SLC4A10: variants seen among roughly 807,000 people sequenced by gnomAD.
SLC4A10 encodes the protein sodium-driven chloride bicarbonate exchanger.
In SLC4A10, 42 loss-of-function variants were observed where a neutral mutation model predicts 137.7. The ratio of observed to expected loss-of-function variants is 0.30; its 90% CI spans 0.24 to 0.39. SLC4A10 has a LOEUF of 0.39. Among genes scored for constraint, SLC4A10 ranks in the 10% least tolerant of loss-of-function variants. The pLI, the probability that SLC4A10 is intolerant of heterozygous loss-of-function variation, is 1.00. For synonymous variants in SLC4A10, 474 were observed against 464.1 expected (o/e 1.02, Z -0.27); for missense variants, 925 against 1,355.0 (o/e 0.68, Z 4.98).
chr2:161,734,966 C>T (rs1473048754), intron 1 of SLC4A10, among the ~76,000 whole-genome samples: 3 of 150,986 alleles, frequency 2.0e-5, no homozygotes, highest in African/African-American at 7.3e-5. Context: ...GGCAGTTTCT[C>T]CTCTCTCTCT....
At chr2:161,866,139 T>G (rs1218010022) in intron 6 of SLC4A10, among the ~76,000 whole-genome samples, 2 of 152,032 alleles carry the variant, frequency 1.3e-5, no homozygotes, top group African/African-American at 4.8e-5. Flanking sequence ...TAGATAAACC[T>G]GAAAGAGTCA....
intron 2 of SLC4A10, among the ~76,000 whole-genome samples, chr2:161,776,041 A>G (rs1427338669): frequency 6.6e-6 from 1 of 151,840 alleles, no homozygotes; most frequent in Non-Finnish European, 1.5e-5. Flanking sequence ...TGTAGATCAA[A>G]TAGGAATAGC....
Position 161,626,535 on chromosome 2 carries a change from A to G in SLC4A10, c.48+1969A>G, listed in dbSNP as rs2032403642. 2.6e-5 allele frequency among the ~76,000 whole-genome samples: 4 copies of G among 152,138 alleles called. No homozygotes were observed. The South Asian group carries it at 8.3e-4, about 31-fold the overall frequency. On this transcript the variant is annotated intron_variant, in intron 1 of 26. Transcript: ENST00000446997. ...AATCATATTAGCAGATCATCACAAG[A>G]AAAACAAGCCTGAGGGGCTAGAGAG...
chr2:161,669,266 C>T, intron 1 of SLC4A10, among the ~76,000 whole-genome samples: 1 of 151,690 alleles, frequency 6.6e-6, no homozygotes, highest in East Asian at 1.9e-4. Flanking sequence ...GATTTGTGGC[C>T]TTTGTGGGCA....
At chr2:161,942,936 T>A (rs1256778165) in intron 16 of SLC4A10, 39 bp downstream of exon 16, 2 of 1,496,440 alleles carry the variant, frequency 1.3e-6, no homozygotes, top group Non-Finnish European at 1.8e-6. Flanking sequence ...ACCTAAGAGC[T>A]TTTGTTGACA....
In SLC4A10 at chr2:161,839,888, G is replaced by T. The variant is rs1203096401; in HGVS notation, c.377G>T (p.Trp126Leu). 1 of 1,613,884 alleles carries T rather than the reference G, an allele frequency of 6.2e-7. No homozygotes were observed. Among genetic ancestry groups the T allele is most frequent in the Admixed American group, 1.7e-5 (1 of 60,000 alleles). Residue 126 changes from tryptophan to leucine, a missense_variant, in exon 4 of 27, where the codon TGG becomes TTG. Physicochemically the swap from Trp to Leu is moderately conservative, Grantham distance 61. This residue lies in a region of SLC4A10 where 138 missense variants were observed against 171.3 expected (regional missense o/e 0.81). Coordinates refer to ENST00000446997, the MANE Select transcript of SLC4A10 (RefSeq NM_001178015.2). ...DLFTELDEIC[W>L]REGEDAEWRE... ...TTCACAGAACTGGATGAGATTTGTT[G>T]GCGTGAAGGTGAGGACGCTGAGTGG...
chr2:161,799,067 CTAA>C (rs1201248795), intron 2 of SLC4A10, among the ~76,000 whole-genome samples: 1 of 151,384 alleles, frequency 6.6e-6, no homozygotes, highest in East Asian at 1.9e-4. Flanking sequence ...TCCATGCTCA[CTAA>C]TGTTTTCAAA....
At chr2:161,722,369 G>T (rs968207210) in intron 1 of SLC4A10, among the ~76,000 whole-genome samples, 2 of 152,156 alleles carry the variant, frequency 1.3e-5, no homozygotes, top group African/African-American at 4.8e-5. Flanking sequence ...GTTTTTGTGG[G>T]GTTCTTTTCT....
At chr2:161,832,061 A>G (rs536797125) in intron 3 of SLC4A10, among the ~76,000 whole-genome samples, 1 of 152,162 alleles carries the variant, frequency 6.6e-6, no homozygotes, top group Non-Finnish European at 1.5e-5. Context: ...TACAGTAAAG[A>G]TAATGTCTCC....
chr2:161,951,764 A>G (rs1246226589), intron 19 of SLC4A10, among the ~76,000 whole-genome samples: 2 of 152,146 alleles, frequency 1.3e-5, no homozygotes, highest in Non-Finnish European at 2.9e-5. Context: ...ACTCTGATGC[A>G]ATATATTGGG....
chr2:161,926,783 G>C (rs375759651), intron 15 of SLC4A10, among the ~76,000 whole-genome samples: 3,464 of 148,506 alleles, frequency 0.023, 34 homozygotes, highest in Non-Finnish European at 0.037. Flanking sequence ...GCATTTGCTT[G>C]TCTGTAAAGT....
chr2:161,633,384 G>T (rs1200735375), intron 1 of SLC4A10, among the ~76,000 whole-genome samples: 1 of 151,664 alleles, frequency 6.6e-6, no homozygotes, highest in Admixed American at 6.6e-5. Flanking sequence ...AATATATCAT[G>T]GGTAATAGAT....
chr2:161,672,486 G>A (rs2039840620), intron 1 of SLC4A10, among the ~76,000 whole-genome samples: 1 of 151,572 alleles, frequency 6.6e-6, no homozygotes, highest in African/African-American at 2.4e-5. Context: ...CTTGGGCAAT[G>A]TAACAAGACC....
intron 3 of SLC4A10, among the ~76,000 whole-genome samples, chr2:161,811,799 TC>T (rs1445044869): frequency 6.6e-6 from 1 of 152,040 alleles, no homozygotes; most frequent in Non-Finnish European, 1.5e-5. Context: ...AGTTTTCTTT[TC>T]CTTTATGTTT....
At chr2:161,927,582 G>GTGAAC (rs1689407633) in intron 15 of SLC4A10, among the ~76,000 whole-genome samples, 1 of 152,086 alleles carries the variant, frequency 6.6e-6, no homozygotes, top group African/African-American at 2.4e-5. Flanking sequence ...GAGTGAACAG[G>GTGAAC]CAACCTACAA....
intron 1 of SLC4A10, among the ~76,000 whole-genome samples, chr2:161,646,272 T>C (rs537268450): frequency 2.2e-4 from 34 of 152,168 alleles, no homozygotes; most frequent in African/African-American, 8.2e-4. Context: ...TAGAGTGCCC[T>C]CTGTTTAGAT....
intron 15 of SLC4A10, among the ~76,000 whole-genome samples, chr2:161,915,617 A>G (rs1575621027): frequency 6.7e-6 from 1 of 149,478 alleles, no homozygotes; most frequent in Admixed American, 6.6e-5. Context: ...GGTCACAGGC[A>G]CCCCCACCTG....
intron 3 of SLC4A10, among the ~76,000 whole-genome samples, chr2:161,817,911 C>T (rs555353999): frequency 5.2e-4 from 79 of 151,582 alleles, no homozygotes; most frequent in Admixed American, 5.3e-4. Context: ...AGTCAGGTAG[C>T]GTGATGCCTC....
chr2:161,903,306 G>A (rs1012347469), intron 12 of SLC4A10, among the ~76,000 whole-genome samples: 5 of 152,058 alleles, frequency 3.3e-5, no homozygotes, highest in African/African-American at 1.2e-4. Flanking sequence ...ATATGTTAAC[G>A]CAATAGTGGA....
Sources: allele counts gnomAD v4.1 joint callset (sites outside exome capture counted in the v4.1 genomes callset), GRCh38; gene constraint gnomAD v4.1.1; regional missense constraint gnomAD v4.1.1; transcripts MANE v1.5; gene names NCBI Gene and HGNC (gene_info 2026-07-23, HGNC 2026-07-21).